The following JAKMIP3 variants were observed in gnomAD, a reference collection of about 807,000 sequenced individuals.
JAKMIP3 encodes the protein janus kinase and microtubule-interacting protein 3.
JAKMIP3 carries 58 observed loss-of-function variants against 118.5 expected under a neutral mutation model. The ratio of observed to expected loss-of-function variants is 0.49; its 90% CI spans 0.40 to 0.61. The LOEUF (loss-of-function observed/expected upper bound fraction) is 0.61, where lower values mean the gene tolerates loss of function less well. Ranked by LOEUF, JAKMIP3 falls within the 20% of genes least tolerant of loss-of-function variation. JAKMIP3 has a pLI of 0.00. For synonymous variants in JAKMIP3, 486 were observed against 451.2 expected (o/e 1.08, Z -0.98); for missense variants, 950 against 1,109.0 (o/e 0.86, Z 2.04).
chr10:132,058,840 C>T (rs755154560), intron 1 of JAKMIP3, among the ~76,000 whole-genome samples: 2 of 152,248 alleles, frequency 1.3e-5, no homozygotes, highest in Non-Finnish European at 2.9e-5. Flanking sequence ...CCGGTAATCC[C>T]ATCATAAGGT....
chr10:132,106,594 T>A (rs757998144), intron 2 of JAKMIP3, among the ~76,000 whole-genome samples: 1 of 152,138 alleles, frequency 6.6e-6, no homozygotes, highest in African/African-American at 2.4e-5. Context: ...GCCGATGGCA[T>A]GGGGACACGA....
intron 21 of JAKMIP3, among the ~76,000 whole-genome samples, 181 bp from the exon 22 acceptor site, chr10:132,166,802 C>T (rs2058954810): frequency 6.6e-6 from 1 of 152,184 alleles, no homozygotes. Context: ...CGGCACCACC[C>T]CTCAGACCCG....
chr10:132,101,658 C>T (rs545626713), intron 1 of JAKMIP3, among the ~76,000 whole-genome samples: 2 of 151,908 alleles, frequency 1.3e-5, no homozygotes, highest in South Asian at 4.2e-4. Flanking sequence ...GAGAGTGGTG[C>T]GGCAGCCAGG....
intron 21 of JAKMIP3, among the ~76,000 whole-genome samples, chr10:132,166,081 T>C (rs984841996): frequency 3.9e-5 from 6 of 152,240 alleles, no homozygotes; most frequent in African/African-American, 1.4e-4. Flanking sequence ...TCCAGTACTT[T>C]AGGAGGCCTA....
At chr10:132,129,875 CT>C (rs5789115) in intron 3 of JAKMIP3, among the ~76,000 whole-genome samples, 24,244 of 138,696 alleles carry the variant, frequency 0.17, 3,287 homozygotes, top group East Asian at 0.38. Flanking sequence ...GCATCAGTAC[CT>C]TTTTTTTTTT....
intron 1 of JAKMIP3, among the ~76,000 whole-genome samples, chr10:132,048,295 T>C: frequency 6.6e-6 from 1 of 150,914 alleles, no homozygotes; most frequent in East Asian, 1.9e-4. Context: ...CAGGGCCTGC[T>C]TCTTGGGCCT....
At position 132,112,757 on chromosome 10, in the gene JAKMIP3, A is replaced by G. The variant is rs1022115928; in HGVS notation, c.136-4320A>G. 1.3e-5 allele frequency among the ~76,000 whole-genome samples: 2 copies of G among 152,148 alleles called. No individual in the cohort carries two copies. Among genetic ancestry groups the G allele is most frequent in the African/African-American group, 4.8e-5 (2 of 41,430 alleles). On this transcript the variant is annotated intron_variant, in intron 2 of 23. Transcript: ENST00000684848. This position sits in a 1 kb window ranked among gnomAD's most constrained non-coding sequence, Gnocchi z 4.3. ...TCCACAGCCACGTGTCTCCTTGGACAGGGCAGCTCTCCACCTCCCCTTGGA... is the reference window on the plus strand; with the variant it reads ...TCCACAGCCACGTGTCTCCTTGGACGGGGCAGCTCTCCACCTCCCCTTGGA...
rs746402361 is a variant in JAKMIP3, at chr10:132,145,199, G to A, written c.1686+9G>A. 1 of 1,600,878 alleles carries A rather than the reference G, an allele frequency of 6.2e-7. No homozygotes were observed. Among genetic ancestry groups the A allele is most frequent in the African/African-American group, 1.3e-5 (1 of 74,900 alleles). ...TGGCGGAGCAGGGGCAGGTGAGCCTGCAGCCATCTGCACGGGCGTGGGGGC... is the reference window on the plus strand; with the variant it reads ...TGGCGGAGCAGGGGCAGGTGAGCCTACAGCCATCTGCACGGGCGTGGGGGC... On this transcript the variant is annotated intron_variant, in intron 12 of 23. Transcript: ENST00000684848.
intron 2 of JAKMIP3, among the ~76,000 whole-genome samples, chr10:132,107,651 T>C (rs7087260): frequency 0.66 from 99,821 of 152,184 alleles, 33,190 homozygotes; most frequent in East Asian, 0.9. Flanking sequence ...GCATGCTGGA[T>C]GCACAGGCAG....
chr10:132,173,344 C>A (rs554719727), intron 23 of JAKMIP3, among the ~76,000 whole-genome samples: 1 of 150,314 alleles, frequency 6.7e-6, no homozygotes, highest in Non-Finnish European at 1.5e-5. Flanking sequence ...GTGACACTGG[C>A]GGTAGCAGAT....
chr10:132,164,546 G>T (rs1167038181), intron 20 of JAKMIP3, 124 bp from the exon 21 acceptor site: 1 of 672,878 alleles, frequency 1.5e-6, no homozygotes, highest in Non-Finnish European at 2.6e-6. Context: ...CAGGAGCCAC[G>T]GGCCATGGCC....
At chr10:132,171,653 T>TTC (rs1554960340) in intron 23 of JAKMIP3, among the ~76,000 whole-genome samples, 939 of 56,568 alleles carry the variant, frequency 0.017, 21 homozygotes, top group African/African-American at 0.054. Context: ...TTTTTCTTTC[T>TTC]TTTTTTTTTT....
intron 1 of JAKMIP3, among the ~76,000 whole-genome samples, chr10:132,051,654 G>A (rs1028989040): frequency 6.6e-6 from 1 of 151,574 alleles, no homozygotes; most frequent in Non-Finnish European, 1.5e-5. Flanking sequence ...AGGCTGGAGT[G>A]CAATGGCACC....
chr10:132,143,847 C>T (rs1368892184), intron 11 of JAKMIP3: 5 of 152,280 alleles, frequency 3.3e-5, no homozygotes, highest in African/African-American at 9.6e-5. Flanking sequence ...CTCCGTTTCC[C>T]TGTCCGGAAA....
At chr10:132,126,787 A>G (rs1210201492) in intron 3 of JAKMIP3, among the ~76,000 whole-genome samples, 1 of 152,190 alleles carries the variant, frequency 6.6e-6, no homozygotes, top group Non-Finnish European at 1.5e-5. Flanking sequence ...ATGACACGTT[A>G]ATTGGCTTTT....
intron 1 of JAKMIP3, among the ~76,000 whole-genome samples, chr10:132,081,936 G>C (rs1285606714): frequency 6.6e-6 from 1 of 151,314 alleles, no homozygotes; most frequent in African/African-American, 2.4e-5. Flanking sequence ...GTGCACATAG[G>C]GATTTTATTT....
At position 132,056,040 on chromosome 10, in the gene JAKMIP3, G is replaced by A. The variant is rs180907522; in HGVS notation, c.-138+19302G>A. Among the ~76,000 whole-genome samples the A allele has an allele frequency of 3.5e-4, 54 of 152,268 alleles. 1 individual carries two copies. The East Asian group carries it at 6.9e-3, about 20-fold the overall frequency. On this transcript the variant is annotated intron_variant, in intron 1 of 23. Transcript: ENST00000657785. ...TTGAGTCCGCCTGGGGACACACGCC[G>A]CCCTTGCCCATCCATTTCCAGCCAG...
chr10:132,054,636 T>A (rs966902653), intron 1 of JAKMIP3, among the ~76,000 whole-genome samples: 3 of 152,166 alleles, frequency 2.0e-5, no homozygotes, highest in African/African-American at 7.2e-5. Context: ...GAGGCAGGAT[T>A]AGTGCCATAG....
intron 23 of JAKMIP3, among the ~76,000 whole-genome samples, chr10:132,174,236 T>C (rs958818096): frequency 1.3e-5 from 2 of 152,188 alleles, no homozygotes; most frequent in Admixed American, 6.5e-5. Flanking sequence ...AGTGGCCCCT[T>C]CCTGGCAGCC....
Sources: gnomAD v4.1 joint callset for allele counts (sites outside exome capture counted in the v4.1 genomes callset) on GRCh38, gnomAD v4.1.1 for gene constraint, Gnocchi (gnomAD v3.1) non-coding constraint, MANE v1.5 for transcripts, NCBI Gene and HGNC (gene_info 2026-07-23, HGNC 2026-07-21) for gene names.